The following MAF variants were observed in gnomAD, a reference collection of about 807,000 sequenced individuals.
The protein encoded by MAF is MAF bZIP transcription factor.
In MAF, 10 loss-of-function variants were observed where a neutral mutation model predicts 22.0. The ratio of observed to expected loss-of-function variants is 0.45; its 90% confidence interval spans 0.28 to 0.77. MAF has a LOEUF of 0.77. Ranked by LOEUF, MAF falls within the 30% of genes least tolerant of loss-of-function variation. The pLI is 0.12. For synonymous variants in MAF, 337 were observed against 255.8 expected, an observed-to-expected ratio of 1.32 and a Z score of -3.03; for missense variants, 544 against 548.4, an observed-to-expected ratio of 0.99 and a Z score of 0.08.
At chr16:79,284,813 C>T in the MAF span, among the ~76,000 whole-genome samples, 3 of 152,062 alleles carry the variant, frequency 2.0e-5, no homozygotes, top group Non-Finnish European at 4.4e-5. Flanking sequence ...CAAGTGTGCA[C>T]CGTGCCTCTT....
At chr16:79,378,526 A>C in the MAF span, among the ~76,000 whole-genome samples, 2 of 152,204 alleles carry the variant, frequency 1.3e-5, no homozygotes, top group African/African-American at 4.8e-5. Flanking sequence ...TCTGTATGTT[A>C]TATGTTACAC....
chr16:79,467,302 C>A, the MAF span, among the ~76,000 whole-genome samples: 2 of 152,144 alleles, frequency 1.3e-5, no homozygotes, highest in South Asian at 2.1e-4. Flanking sequence ...ATACAGTCAC[C>A]CTTACATGTG....
At chr16:79,256,402 G>A in the MAF span, among the ~76,000 whole-genome samples, 2 of 152,076 alleles carry the variant, frequency 1.3e-5, no homozygotes, top group Admixed American at 6.5e-5. Context: ...TTACAGGTAA[G>A]GAGAATGAAT....
chr16:79,524,864 A>T, the MAF span, among the ~76,000 whole-genome samples: 2 of 152,232 alleles, frequency 1.3e-5, no homozygotes, highest in Non-Finnish European at 2.9e-5. Flanking sequence ...CTGTGTCAGG[A>T]CAACATTTAT....
chr16:79,556,651 A>T, the MAF span, among the ~76,000 whole-genome samples: 59 of 152,322 alleles, frequency 3.9e-4, no homozygotes, highest in African/African-American at 1.3e-3. Context: ...GCCTTTAAAA[A>T]ATGTCTCTCT....
At chr16:79,506,907 A>C in the MAF span, among the ~76,000 whole-genome samples, 1 of 152,178 alleles carries the variant, frequency 6.6e-6, no homozygotes, top group Non-Finnish European at 1.5e-5. Context: ...AAAGGGTTGA[A>C]ACCAAAGAAA....
chr16:79,386,125 T>C, the MAF span, among the ~76,000 whole-genome samples: 1 of 152,188 alleles, frequency 6.6e-6, no homozygotes, highest in African/African-American at 2.4e-5. Flanking sequence ...ACTGGTTTCA[T>C]GGAAGACAAT....
the MAF span, among the ~76,000 whole-genome samples, chr16:79,408,187 C>G: frequency 7.1e-6 from 1 of 141,722 alleles, no homozygotes; most frequent in Non-Finnish European, 1.5e-5. Context: ...CTTTTCTTTT[C>G]TTTGTTTGAG....
At chr16:79,554,019 G>A in the MAF span, among the ~76,000 whole-genome samples, 78 of 152,256 alleles carry the variant, frequency 5.1e-4, no homozygotes, top group African/African-American at 1.8e-3. Flanking sequence ...AACCCAGGAG[G>A]CAGAGTTTGC....
chr16:79,571,530 ATTTTTT>A, the MAF span, among the ~76,000 whole-genome samples: 6 of 103,878 alleles, frequency 5.8e-5, no homozygotes, highest in Non-Finnish European at 7.5e-5. Context: ...TCTCAGCGGA[ATTTTTT>A]TTTTTTTTTT....
chr16:79,400,958 C>T, the MAF span, among the ~76,000 whole-genome samples: 2 of 152,270 alleles, frequency 1.3e-5, no homozygotes, highest in South Asian at 4.1e-4. Flanking sequence ...ATGATAAACA[C>T]AGCAGGGCTC....
At chr16:79,545,458 A>T in the MAF span, among the ~76,000 whole-genome samples, 1 of 152,138 alleles carries the variant, frequency 6.6e-6, no homozygotes, top group East Asian at 1.9e-4. Flanking sequence ...GCATGAGTAC[A>T]ACTGCACACA....
the MAF span, among the ~76,000 whole-genome samples, chr16:79,283,425 G>C: frequency 1.3e-5 from 2 of 152,156 alleles, no homozygotes; most frequent in Non-Finnish European, 1.5e-5. Flanking sequence ...CCTCATTCTA[G>C]AGCAGTGTAA....
the MAF span, chr16:79,211,720 G>A: frequency 1.2e-6 from 2 of 1,614,232 alleles, no homozygotes; most frequent in East Asian, 2.2e-5. Context: ...GAAGCTCAGA[G>A]CGAAGAGACG....
chr16:79,332,650 C>T, the MAF span, among the ~76,000 whole-genome samples: 1 of 152,176 alleles, frequency 6.6e-6, no homozygotes, highest in East Asian at 1.9e-4. Context: ...ACATGCCAGA[C>T]AATGTGTATT....
chr16:79,432,551 T>G, the MAF span, among the ~76,000 whole-genome samples: 1 of 152,322 alleles, frequency 6.6e-6, no homozygotes, highest in South Asian at 2.1e-4. Context: ...TGTAATATTT[T>G]TGTACCACAG....
the MAF span, among the ~76,000 whole-genome samples, chr16:79,348,173 A>C: frequency 6.6e-6 from 1 of 152,234 alleles, no homozygotes; most frequent in South Asian, 2.1e-4. Context: ...GGGGGAAAGA[A>C]GTTCTGAATT....
the MAF span, among the ~76,000 whole-genome samples, chr16:79,557,935 T>C: frequency 6.6e-6 from 1 of 151,960 alleles, no homozygotes; most frequent in African/African-American, 2.4e-5. Context: ...AAGTGACATT[T>C]AAGCCAAGGC....
the MAF span, among the ~76,000 whole-genome samples, chr16:79,359,883 G>A: frequency 1.1e-4 from 16 of 152,152 alleles, no homozygotes; most frequent in Non-Finnish European, 1.5e-4. Flanking sequence ...GGAAGTGGAA[G>A]GAGCTTAACC....
Sources: allele counts gnomAD v4.1 joint callset (sites outside exome capture counted in the v4.1 genomes callset), GRCh38; gene constraint gnomAD v4.1.1; transcripts MANE v1.5; gene names NCBI Gene and HGNC (gene_info 2026-07-23, HGNC 2026-07-21).